Variants in SPATA13 observed in about 807,000 individuals in gnomAD.
SPATA13 encodes the protein spermatogenesis-associated protein 13.
Under a neutral mutation model 104.0 loss-of-function variants are expected in SPATA13, and 50 were observed. The observed-to-expected ratio is 0.48, with a 90% CI of 0.38 to 0.61. The LOEUF (loss-of-function observed/expected upper bound fraction) is 0.61, where lower values mean the gene tolerates loss of function less well. Ranked by LOEUF, SPATA13 falls within the 20% of genes least tolerant of loss-of-function variation. The pLI is 0.00. For missense variants in SPATA13, 1,524 were observed against 1,690.6 expected, an observed-to-expected ratio of 0.90 and a Z score of 1.73; for synonymous variants, 606 against 667.5, an observed-to-expected ratio of 0.91 and a Z score of 1.42.
intron 1 of SPATA13, among the ~76,000 whole-genome samples, chr13:24,184,575 T>TC (rs1279459889): frequency 4.6e-5 from 7 of 152,348 alleles, no homozygotes; most frequent in African/African-American, 1.7e-4. Flanking sequence ...TGATTTTTTT[T>TC]CTCTCTGATG....
chr13:24,074,548 C>T (rs1407725813), intron 3 of SPATA13, among the ~76,000 whole-genome samples: 3 of 152,128 alleles, frequency 2.0e-5, no homozygotes, highest in Non-Finnish European at 4.4e-5. Context: ...AGGCACTGCT[C>T]TAACACACAT....
At chr13:24,169,630 G>A (rs1363531785) in intron 1 of SPATA13, among the ~76,000 whole-genome samples, 1 of 152,180 alleles carries the variant, frequency 6.6e-6, no homozygotes, top group East Asian at 1.9e-4. Flanking sequence ...CAAGATGGGG[G>A]TCTGGCACAG....
chr13:24,124,161 A>C (rs1368120092), intron 3 of SPATA13, among the ~76,000 whole-genome samples: 1 of 152,254 alleles, frequency 6.6e-6, no homozygotes, highest in Non-Finnish European at 1.5e-5. Context: ...GAAAGCAGTT[A>C]TTAGAGTTCA....
intron 7 of SPATA13, 140 bp downstream of exon 7, chr13:24,287,090 A>G: frequency 1.4e-6 from 1 of 694,948 alleles, no homozygotes; most frequent in South Asian, 2.0e-5. Context: ...TGCTGTCTGC[A>G]CTGCTAAGTC....
chr13:24,061,578 TG>T (rs1878773594), intron 3 of SPATA13, among the ~76,000 whole-genome samples: 1 of 152,180 alleles, frequency 6.6e-6, no homozygotes, highest in Admixed American at 6.5e-5. Flanking sequence ...GGGACATGGA[TG>T]GAGCTGGAAG....
chr13:24,154,995 T>C (rs577784700), intron 3 of SPATA13, among the ~76,000 whole-genome samples: 1 of 152,254 alleles, frequency 6.6e-6, no homozygotes, highest in African/African-American at 2.4e-5. Flanking sequence ...GTAGCTGGGA[T>C]TACAGGTGTG....
At chr13:24,001,005 A>G (rs911303884) in intron 2 of SPATA13, among the ~76,000 whole-genome samples, 2 of 152,034 alleles carry the variant, frequency 1.3e-5, no homozygotes, top group Non-Finnish European at 2.9e-5. Flanking sequence ...CCCCACTCCG[A>G]GTTCTTGGCT....
chr13:24,019,596 T>C (rs1449410387), intron 3 of SPATA13, among the ~76,000 whole-genome samples: 1 of 152,218 alleles, frequency 6.6e-6, no homozygotes, highest in Non-Finnish European at 1.5e-5. Context: ...TTGAGCAGAA[T>C]ATTACTAGTG....
chr13:24,066,133 T>C (rs1261428954), intron 3 of SPATA13, among the ~76,000 whole-genome samples: 1 of 152,208 alleles, frequency 6.6e-6, no homozygotes, highest in East Asian at 1.9e-4. Context: ...ACCTTTAGGT[T>C]ACACGTGGAC....
chr13:24,253,495 C>G (rs894340493), intron 4 of SPATA13, among the ~76,000 whole-genome samples: 1 of 152,146 alleles, frequency 6.6e-6, no homozygotes, highest in Non-Finnish European at 1.5e-5. Flanking sequence ...GCAACACATC[C>G]CTACCAGAAT....
At chr13:24,082,948 A>G (rs889940491) in intron 3 of SPATA13, among the ~76,000 whole-genome samples, 22 of 151,140 alleles carry the variant, frequency 1.5e-4, no homozygotes, top group Admixed American at 4.0e-4. Flanking sequence ...TTGTAATTTT[A>G]TAAGAGTAGT....
chr13:24,041,915 A>G (rs1004095831), intron 3 of SPATA13, among the ~76,000 whole-genome samples: 5 of 152,242 alleles, frequency 3.3e-5, no homozygotes, highest in African/African-American at 1.2e-4. Context: ...GTAACGGTCA[A>G]TTGGAATGTA....
chr13:24,197,005 G>C lies in SPATA13; in HGVS notation c.-111-25814G>C, dbSNP rs112132770. On this transcript the variant is annotated intron_variant, in intron 1 of 12. Transcript: ENST00000382108. The stretch of plus-strand genomic sequence containing the variant: ...ACATATACTGGAAAAGAGGAACTTA[G>C]TTCTGTAGAAATCTTAACTTCGTGA... Among the ~76,000 whole-genome samples, 263 of 152,280 alleles carry C rather than the reference G, an allele frequency of 1.7e-3. 2 individuals are homozygous for C. The Middle Eastern group carries it at 0.027, about 16-fold the overall frequency.
intron 11 of SPATA13, 45 bp from the exon 12 acceptor site, chr13:24,300,354 CAT>C: frequency 6.6e-7 from 1 of 1,517,404 alleles, no homozygotes; most frequent in African/African-American, 1.4e-5. Flanking sequence ...TGCTCTGAAA[CAT>C]GTCCACGTGT....
chr13:24,222,220 G>C (rs899619227), intron 1 of SPATA13, among the ~76,000 whole-genome samples: 14 of 152,168 alleles, frequency 9.2e-5, no homozygotes, highest in African/African-American at 3.1e-4. Context: ...GCCCTGGCAT[G>C]TCCTTGCTGA....
chr13:24,290,328 G>A (rs1234663916), intron 8 of SPATA13, among the ~76,000 whole-genome samples: 2 of 152,156 alleles, frequency 1.3e-5, no homozygotes, highest in East Asian at 1.9e-4. Context: ...TGTGGGAGGG[G>A]GACGTTAGAG....
chr13:24,024,875 ATAGCGAGAACCCCCAT>A (rs1877136449), intron 3 of SPATA13, among the ~76,000 whole-genome samples: 1 of 151,210 alleles, frequency 6.6e-6, no homozygotes, highest in Non-Finnish European at 1.5e-5. Context: ...CCTGGGTAAC[ATAGCGAGAACCCCCAT>A]TTCTCTAAAA....
intron 2 of SPATA13, among the ~76,000 whole-genome samples, chr13:24,014,221 T>C (rs994981022): frequency 7.9e-5 from 12 of 152,184 alleles, no homozygotes; most frequent in Non-Finnish European, 1.8e-4. Flanking sequence ...ATTCTCCCTG[T>C]GTGCATGTCT....
At chr13:24,117,783 TG>T (rs1161889939) in intron 3 of SPATA13, among the ~76,000 whole-genome samples, 1 of 152,236 alleles carries the variant, frequency 6.6e-6, no homozygotes, top group South Asian at 2.1e-4. Flanking sequence ...CACTTATGTT[TG>T]GGCTATGTAA....
Sources: allele counts gnomAD v4.1 joint callset (sites outside exome capture counted in the v4.1 genomes callset), GRCh38; gene constraint gnomAD v4.1.1; transcripts MANE v1.5; gene names NCBI Gene and HGNC (gene_info 2026-07-23, HGNC 2026-07-21).